Variants in CTNNA3 observed in about 807,000 individuals in gnomAD.
The protein encoded by CTNNA3 is catenin alpha-3.
A neutral mutation model predicts 95.7 loss-of-function variants in CTNNA3; 76 were observed. That is an observed-to-expected ratio of 0.79 (90% confidence interval 0.66 to 0.96). The LOEUF (loss-of-function observed/expected upper bound fraction) is 0.96, where lower values mean the gene tolerates loss of function less well. Among genes scored for constraint, CTNNA3 ranks in the 40% least tolerant of loss-of-function variants. The pLI is 0.00. For missense variants in CTNNA3, 1,191 were observed against 1,089.8 expected, an observed-to-expected ratio of 1.09 and a Z score of -1.31; for synonymous variants, 431 against 374.4, an observed-to-expected ratio of 1.15 and a Z score of -1.74.
At chr10:66,821,229 A>G (rs879906454) in intron 7 of CTNNA3, among the ~76,000 whole-genome samples, 9 of 152,188 alleles carry the variant, frequency 5.9e-5, no homozygotes, top group Non-Finnish European at 8.8e-5. Flanking sequence ...ATTTTAAAGC[A>G]AAGAAAGATA....
At position 66,536,636 on chromosome 10, in the gene CTNNA3, T is replaced by C. The variant is rs1371890920; in HGVS notation, c.1375-15863A>G. On this transcript the variant is annotated intron_variant, in intron 10 of 17. Transcript: ENST00000433211. ...AGACTAGTCAAATAAGACAAAGAAA[T>C]AGGGGTTCCTAAATTTTGGTACTTA... Among the ~76,000 whole-genome samples the C allele has an allele frequency of 2.6e-5, 4 of 151,882 alleles. 1 individual carries two copies. The East Asian group carries it at 7.7e-4, about 29-fold the overall frequency.
At chr10:66,837,865 C>T (rs1842933345) in intron 7 of CTNNA3, among the ~76,000 whole-genome samples, 1 of 152,094 alleles carries the variant, frequency 6.6e-6, no homozygotes, top group Non-Finnish European at 1.5e-5. Flanking sequence ...TCATCAAGGA[C>T]TATAAATATC....
chr10:66,508,893 T>C (rs1564499610), intron 11 of CTNNA3, among the ~76,000 whole-genome samples: 2 of 152,160 alleles, frequency 1.3e-5, no homozygotes, highest in African/African-American at 2.4e-5. Context: ...TTCTTTGGGA[T>C]AGATTCCCAG....
intron 7 of CTNNA3, among the ~76,000 whole-genome samples, chr10:66,929,091 A>G (rs1847231424): frequency 6.6e-6 from 1 of 152,218 alleles, no homozygotes; most frequent in Admixed American, 6.5e-5. Context: ...TGAAGGGTTA[A>G]AATACTGCAA....
At chr10:66,046,607 A>G (rs777137357) in intron 15 of CTNNA3, among the ~76,000 whole-genome samples, 7 of 152,180 alleles carry the variant, frequency 4.6e-5, no homozygotes, top group Non-Finnish European at 8.8e-5. Context: ...AAGATAAGAA[A>G]TAACTAATAT....
In CTNNA3 at chr10:67,321,453, AT is replaced by A. The variant is rs550359650; in HGVS notation, c.580-101584del. On this transcript the variant is annotated intron_variant, in intron 5 of 17. Coordinates refer to ENST00000433211, the MANE Select transcript of CTNNA3 (RefSeq NM_013266.4). ...TAAACAGCCCGTATCTTCAGTCAGGATTCTGCATGATTAAGTGCCATCCTAG... is the reference window on the plus strand; with the variant it reads ...TAAACAGCCCGTATCTTCAGTCAGGATCTGCATGATTAAGTGCCATCCTAG... Among the ~76,000 whole-genome samples the A allele has an allele frequency of 2.4e-3, 372 of 152,278 alleles. 3 individuals carry two copies. The highest frequency in any genetic ancestry group is 8.7e-3 in the African/African-American group (362 of 41,544).
At chr10:66,104,666 C>G (rs1410922592) in intron 13 of CTNNA3, among the ~76,000 whole-genome samples, 1 of 152,120 alleles carries the variant, frequency 6.6e-6, no homozygotes, top group African/African-American at 2.4e-5. Flanking sequence ...CTACAAAATC[C>G]TGGTGACAAA....
intron 7 of CTNNA3, among the ~76,000 whole-genome samples, chr10:66,779,421 A>G (rs141367844): frequency 6.6e-6 from 1 of 151,864 alleles, no homozygotes; most frequent in African/African-American, 2.4e-5. Flanking sequence ...CAGTAGTGCC[A>G]TCTCGGCTCA....
chr10:67,318,133 C>A (rs1023719581), intron 5 of CTNNA3, among the ~76,000 whole-genome samples: 4 of 151,952 alleles, frequency 2.6e-5, no homozygotes, highest in Admixed American at 2.6e-4. Context: ...TGTTTTACCC[C>A]CTACTTACTC....
chr10:66,246,341 C>T (rs934334540), intron 13 of CTNNA3, among the ~76,000 whole-genome samples: 4 of 152,214 alleles, frequency 2.6e-5, no homozygotes, highest in African/African-American at 9.6e-5. Flanking sequence ...GGGGCTCCTG[C>T]TGGCTCCATG....
At chr10:66,251,152 G>A (rs547606275) in intron 13 of CTNNA3, among the ~76,000 whole-genome samples, 17 of 152,146 alleles carry the variant, frequency 1.1e-4, no homozygotes, top group Non-Finnish European at 1.9e-4. Flanking sequence ...GCACATAGAG[G>A]CTCTCCAGAA....
chr10:67,682,019 G>A (rs913195692), intron 1 of CTNNA3, among the ~76,000 whole-genome samples: 7 of 152,008 alleles, frequency 4.6e-5, no homozygotes, highest in African/African-American at 9.7e-5. Context: ...TTAGCCAGGC[G>A]TGGTGGTGGG....
chr10:66,728,045 T>C (rs1360188275), intron 9 of CTNNA3, among the ~76,000 whole-genome samples: 4 of 152,198 alleles, frequency 2.6e-5, no homozygotes, highest in Non-Finnish European at 5.9e-5. Context: ...GTATTGTTTA[T>C]GAAATAATGT....
intron 6 of CTNNA3, among the ~76,000 whole-genome samples, chr10:67,199,762 T>A (rs909497538): frequency 4.6e-5 from 7 of 152,178 alleles, no homozygotes; most frequent in Non-Finnish European, 7.3e-5. Flanking sequence ...CAGAATGAAA[T>A]TAATGTTGAA....
chr10:66,153,848 T>TACAC (rs148457020), intron 13 of CTNNA3, among the ~76,000 whole-genome samples: 13,162 of 148,972 alleles, frequency 0.088, 699 homozygotes, highest in Non-Finnish European at 0.11. Context: ...ATAATTTGTT[T>TACAC]ACACACACAC....
intron 5 of CTNNA3, among the ~76,000 whole-genome samples, chr10:67,244,524 T>C (rs1197977776): frequency 6.6e-6 from 1 of 152,200 alleles, no homozygotes; most frequent in African/African-American, 2.4e-5. Context: ...CAAGTATTTA[T>C]ATAGTGGAAT....
Position 65,913,279 on chromosome 10 carries a change from GA to G in CTNNA3, c.*7050del, listed in dbSNP as rs1427422522. 6.6e-6 allele frequency: 1 copy of G among 152,070 alleles called. No homozygotes were observed. The highest frequency in any genetic ancestry group is 1.5e-5 in the Non-Finnish European group (1 of 68,004). 9.4% of individuals were successfully genotyped at this position (152,070 alleles called of 1,614,324 possible). A position where few individuals can be genotyped will look rare whatever the true frequency, so the allele number is the denominator to read the frequency against. ...TCAAAATGGAAAACAGGGGCATCTG[GA>G]AATCTTTCTCTAGAAGTTTTAATTC... On this transcript the variant is annotated 3_prime_UTR_variant, in exon 18 of 18. Coordinates refer to ENST00000433211, the MANE Select transcript of CTNNA3 (RefSeq NM_013266.4).
At chr10:66,043,765 C>T (rs944796532) in intron 15 of CTNNA3, among the ~76,000 whole-genome samples, 1 of 152,068 alleles carries the variant, frequency 6.6e-6, no homozygotes, top group Non-Finnish European at 1.5e-5. Context: ...AGATACTATC[C>T]CTGTTCTTCA....
intron 9 of CTNNA3, among the ~76,000 whole-genome samples, chr10:66,668,847 A>G (rs984563648): frequency 5.3e-5 from 8 of 151,888 alleles, no homozygotes; most frequent in Non-Finnish European, 8.8e-5. Context: ...TCACATATAT[A>G]TTCTATATAT....
Sources: gnomAD v4.1 joint callset for allele counts (sites outside exome capture counted in the v4.1 genomes callset) on GRCh38, gnomAD v4.1.1 for gene constraint, MANE v1.5 for transcripts, NCBI Gene and HGNC (gene_info 2026-07-23, HGNC 2026-07-21) for gene names.